Variants in CPEB2 observed in about 807,000 individuals in gnomAD.
CPEB2 encodes the protein cytoplasmic polyadenylation element binding protein 2, also known as cytoplasmic polyadenylation element-binding protein 2.
In CPEB2, 56 loss-of-function variants were observed where a neutral mutation model predicts 93.6. That is an observed-to-expected ratio of 0.60 (90% CI 0.48 to 0.75). CPEB2 has a LOEUF of 0.75. Ranked by LOEUF, CPEB2 falls within the 30% of genes least tolerant of loss-of-function variation. CPEB2 has a pLI of 0.00. For missense variants in CPEB2, 1,579 were observed against 1,395.1 expected, an observed-to-expected ratio of 1.13 and a Z score of -2.10; for synonymous variants, 764 against 586.3, an observed-to-expected ratio of 1.30 and a Z score of -4.38.
chr4:15,002,900 C>A lies in CPEB2; in HGVS notation c.227C>A (p.Pro76Gln). The A allele has an allele frequency of 1.3e-6, 2 of 1,510,498 alleles. No homozygotes were observed. The highest frequency in any genetic ancestry group is 8.8e-7 in the Non-Finnish European group (1 of 1,140,230). The allele number at this position is 1,510,498 out of a possible 1,614,324, so 93.6% of individuals were successfully genotyped here. The change falls in exon 1 of 12, where the codon CCG (proline) becomes CAG (glutamine). Residue 76 changes from proline (P) to glutamine (Q), a missense_variant. This residue lies in a region of CPEB2 where 1,411 missense variants were observed against 1,056.0 expected (regional missense o/e 1.34). Transcript: ENST00000538197. ...SVPLGGGAGS[P>Q]AAAASSSSPF... ...CCCCTCGGCGGCGGCGCGGGCAGCCCGGCCGCCGCCGCTTCCTCTTCCTCC... is the reference window on the plus strand; with the variant it reads ...CCCCTCGGCGGCGGCGCGGGCAGCCAGGCCGCCGCCGCTTCCTCTTCCTCC...
intron 6 of CPEB2, among the ~76,000 whole-genome samples, chr4:15,043,731 C>T (rs1235650531): frequency 7.2e-5 from 11 of 151,764 alleles, no homozygotes; most frequent in African/African-American, 2.7e-4. Context: ...TAAATAAAAA[C>T]GTAGTTTAGT....
At chr4:15,047,644 T>C (rs369557750) in intron 6 of CPEB2, among the ~76,000 whole-genome samples, 30 of 152,190 alleles carry the variant, frequency 2.0e-4, no homozygotes, top group African/African-American at 6.7e-4. Flanking sequence ...GTTTGATTTC[T>C]TCGAATTTTA....
Position 15,068,074 on chromosome 4 carries a change from C to T in CPEB2, c.*1694C>T, listed in dbSNP as rs1370844572. ...TTACTCTGCAATCTAAGCAAAGCACCCAACAATGGTAAATGTTTTTTAAAA... is the reference window on the plus strand; with the variant it reads ...TTACTCTGCAATCTAAGCAAAGCACTCAACAATGGTAAATGTTTTTTAAAA... On this transcript the variant is annotated 3_prime_UTR_variant, in exon 12 of 12. Transcript: ENST00000538197. 3 of 152,240 alleles carry T rather than the reference C, an allele frequency of 2.0e-5. No individual in the cohort carries two copies. The highest frequency in any genetic ancestry group is 7.3e-5 in the African/African-American group (3 of 41,364). The allele number at this position is 152,240 out of a possible 1,614,324, so 9.4% of individuals were successfully genotyped here. A position where few individuals can be genotyped will look rare whatever the true frequency, so the allele number is the denominator to read the frequency against.
intron 6 of CPEB2, among the ~76,000 whole-genome samples, chr4:15,043,727 A>T (rs1300676790): frequency 6.6e-6 from 1 of 152,122 alleles, no homozygotes; most frequent in African/African-American, 2.4e-5. Flanking sequence ...AATATAAATA[A>T]AAACGTAGTT....
intron 11 of CPEB2, among the ~76,000 whole-genome samples, chr4:15,065,684 T>G (rs1729636111): frequency 6.6e-6 from 1 of 152,086 alleles, no homozygotes; most frequent in Admixed American, 6.6e-5. Context: ...GCATGCCCTT[T>G]GTAAGATTCT....
At chr4:15,045,682 A>G (rs1445689360) in intron 6 of CPEB2, among the ~76,000 whole-genome samples, 1 of 152,142 alleles carries the variant, frequency 6.6e-6, no homozygotes, top group African/African-American at 2.4e-5. Flanking sequence ...GCAAATTAAT[A>G]TCTTTAGGGT....
chr4:15,057,864 G>A (rs1297393467), intron 8 of CPEB2, among the ~76,000 whole-genome samples: 1 of 152,124 alleles, frequency 6.6e-6, no homozygotes, highest in Non-Finnish European at 1.5e-5. Context: ...ATGAGACTGT[G>A]GAATGTTTCC....
At chr4:15,055,115 A>G (rs925143092) in intron 8 of CPEB2, among the ~76,000 whole-genome samples, 3 of 152,220 alleles carry the variant, frequency 2.0e-5, no homozygotes, top group Admixed American at 6.5e-5. Flanking sequence ...GTGATGAATT[A>G]TATGAGTCAT....
At chr4:15,037,227 C>T (rs2702519) in intron 5 of CPEB2, among the ~76,000 whole-genome samples, 1 of 151,608 alleles carries the variant, frequency 6.6e-6, no homozygotes, top group Non-Finnish European at 1.5e-5. Context: ...GCGTGAACCC[C>T]GGGAGTTGGA....
rs1332353141 is a variant in CPEB2, at chr4:15,003,881, A to AGCAGCAGCCGCC, written c.1211_1222dup (p.Gln404_Pro407dup). On this transcript the variant is annotated inframe_insertion, in exon 1 of 12. Transcript: ENST00000538197. The stretch of plus-strand genomic sequence containing the variant: ...CAGCAGCCGCCGCCGACCCAGCCGC[A>AGCAGCAGCCGCC]GCAGCAGCCGCCGCCACCCCAGCAG... 1 of 855,234 alleles carries AGCAGCAGCCGCC rather than the reference A, an allele frequency of 1.2e-6. No homozygotes were observed. Among genetic ancestry groups the AGCAGCAGCCGCC allele is most frequent in the Non-Finnish European group, 1.5e-6 (1 of 647,634 alleles). The allele number at this position is 855,234 out of a possible 1,614,324, so 53.0% of individuals were successfully genotyped here. A position where few individuals can be genotyped will look rare whatever the true frequency, so the allele number is the denominator to read the frequency against.
intron 4 of CPEB2, among the ~76,000 whole-genome samples, chr4:15,023,124 A>G (rs1724985118): frequency 6.6e-6 from 1 of 152,054 alleles, no homozygotes; most frequent in South Asian, 2.1e-4. Flanking sequence ...TTCAGAACAT[A>G]TATGTGCTTA....
chr4:15,015,376 A>AG (rs1158494973), intron 3 of CPEB2, among the ~76,000 whole-genome samples: 6 of 152,054 alleles, frequency 3.9e-5, no homozygotes, highest in African/African-American at 1.4e-4. Flanking sequence ...AGTAAAAATC[A>AG]GTAAAGAGTA....
chr4:15,060,497 G>A (rs1729088606), intron 10 of CPEB2, among the ~76,000 whole-genome samples: 1 of 152,088 alleles, frequency 6.6e-6, no homozygotes, highest in Admixed American at 6.6e-5. Context: ...AAAGCCAACT[G>A]AACAGAGGTG....
At chr4:15,026,396 T>C (rs1725483344) in intron 4 of CPEB2, among the ~76,000 whole-genome samples, 1 of 152,028 alleles carries the variant, frequency 6.6e-6, no homozygotes, top group African/African-American at 2.4e-5. Flanking sequence ...CCGGCTAATT[T>C]TTTGTATTTT....
intron 4 of CPEB2, among the ~76,000 whole-genome samples, chr4:15,029,615 A>G (rs1243916005): frequency 6.6e-6 from 1 of 152,050 alleles, no homozygotes; most frequent in Admixed American, 6.6e-5. Flanking sequence ...TTATTACTAG[A>G]TGACTTTGTT....
At chr4:15,042,836 T>G (rs994559097) in intron 6 of CPEB2, among the ~76,000 whole-genome samples, 2 of 152,186 alleles carry the variant, frequency 1.3e-5, no homozygotes, top group Non-Finnish European at 2.9e-5. Context: ...ATAATAAACC[T>G]CAGACTGATA....
At chr4:15,016,641 C>A (rs143889168) in intron 3 of CPEB2, among the ~76,000 whole-genome samples, 13 of 152,024 alleles carry the variant, frequency 8.6e-5, no homozygotes, top group African/African-American at 2.9e-4. Context: ...AGTCCCTGTT[C>A]TGGTTATTAG....
chr4:15,025,546 T>C (rs1418798789), intron 4 of CPEB2, among the ~76,000 whole-genome samples: 1 of 151,918 alleles, frequency 6.6e-6, no homozygotes, highest in African/African-American at 2.4e-5. Flanking sequence ...TGCCTGTGTC[T>C]AGGTCTTTTC....
At chr4:15,004,358 C>T (rs2108939095) in intron 1 of CPEB2, 23 bp downstream of exon 1, 1 of 1,416,364 alleles carries the variant, frequency 7.1e-7, no homozygotes, top group Non-Finnish European at 9.2e-7. Flanking sequence ...GCGGCCTGGC[C>T]GCGCCGCGGG....
Sources: gnomAD v4.1 joint callset for allele counts (sites outside exome capture counted in the v4.1 genomes callset) on GRCh38, gnomAD v4.1.1 for gene constraint, gnomAD v4.1.1 regional missense constraint, MANE v1.5 for transcripts, NCBI Gene and HGNC (gene_info 2026-07-23, HGNC 2026-07-21) for gene names.